NOX5: variants seen among roughly 807,000 people sequenced by gnomAD.
NOX5 encodes the protein NADPH oxidase 5.
A neutral mutation model predicts 85.7 loss-of-function variants in NOX5; 76 were observed. The observed-to-expected ratio is 0.89, with a 90% CI of 0.74 to 1.07. The LOEUF is 1.07. NOX5 is among the 50% of genes least tolerant of loss of function. NOX5 has a pLI of 0.00. For synonymous variants in NOX5, 405 were observed against 401.4 expected (o/e 1.01, Z -0.11); for missense variants, 973 against 999.5 (o/e 0.97, Z 0.36).
At chr15:69,028,110 G>T (rs540197823) in intron 2 of NOX5, 105 bp from the exon 3 acceptor site, 2 of 1,286,986 alleles carry the variant, frequency 1.6e-6, no homozygotes, top group East Asian at 4.9e-5. Context: ...CCACTCTGTG[G>T]TGCACCCCCC....
chr15:69,015,295 C>T (rs1472352470), intron 1 of NOX5, among the ~76,000 whole-genome samples: 2 of 152,194 alleles, frequency 1.3e-5, no homozygotes, highest in Non-Finnish European at 2.9e-5. Context: ...ACCTAGATCA[C>T]TCTGGCTGTC....
Position 69,031,554 on chromosome 15 carries a change from G to C in NOX5, c.362G>C (p.Trp121Ser), listed in dbSNP as rs367806524. ...ARQGASAGTE[W>S]GAGAGPHWAS... ...CAGGGGGCGTCTGCAGGTACAGAGT[G>C]GGGTGCTGGGGCAGGCCCGCACTGG... Residue 121 changes from tryptophan (W) to serine (S), a missense_variant, in exon 4 of 16, where the codon TGG (tryptophan) becomes TCG (serine). By Grantham distance (177) the Trp-to-Ser change is radical (BLOSUM62 -3). Coordinates refer to ENST00000388866, the MANE Select transcript of NOX5 (RefSeq NM_024505.4). 6.2e-7 allele frequency: 1 copy of C among 1,611,918 alleles called. No individual in the cohort carries two copies. Among genetic ancestry groups the C allele is most frequent in the Admixed American group, 1.7e-5 (1 of 60,024 alleles).
rs1279065494 is a variant in NOX5 at position 69,047,395 on chromosome 15, A to G, written c.1693-18A>G. The stretch of plus-strand genomic sequence containing the variant: ...CGTCACCCCCCATCTCTCTTCTCTG[A>G]TGCCCTCTTGTGCACAGTGCTACAT... On this transcript the variant is annotated intron_variant, in intron 11 of 15. Transcript: ENST00000388866. 3 of 1,577,792 alleles carry G rather than the reference A, an allele frequency of 1.9e-6. No homozygotes were observed. Among genetic ancestry groups the G allele is most frequent in the Non-Finnish European group, 2.6e-6 (3 of 1,164,588 alleles).
Position 69,042,601 on chromosome 15 carries a change from G to C in NOX5, c.1505-62G>C, listed in dbSNP as rs889742118. The stretch of plus-strand genomic sequence containing the variant: ...GCAGCAATCCCTCCAGTGGGGTGAG[G>C]CTTGCTCCCTGGTGCCGGTCACTAT... On this transcript the variant is annotated intron_variant, in intron 9 of 15. Coordinates refer to ENST00000388866, the MANE Select transcript of NOX5 (RefSeq NM_024505.4). 36 of 1,557,920 alleles carry C rather than the reference G, an allele frequency of 2.3e-5. 1 individual carries two copies. The South Asian group carries it at 2.6e-4, about 11-fold the overall frequency.
chr15:69,050,544 C>G (rs933574855), intron 14 of NOX5, among the ~76,000 whole-genome samples: 3 of 152,296 alleles, frequency 2.0e-5, no homozygotes, highest in South Asian at 4.1e-4. Context: ...GCGCCCGCCT[C>G]CACGCCAGGC....
chr15:69,024,821 C>T (rs2050336482), intron 1 of NOX5, among the ~76,000 whole-genome samples: 1 of 152,076 alleles, frequency 6.6e-6, no homozygotes, highest in Admixed American at 6.5e-5. Context: ...TATATGCATA[C>T]ATCTGTAAAA....
chr15:69,041,995 G>A (rs953706034), intron 9 of NOX5, among the ~76,000 whole-genome samples: 28 of 150,744 alleles, frequency 1.9e-4, no homozygotes, highest in Middle Eastern at 3.5e-3. Context: ...TCCCTGCTTC[G>A]TGTATTTAGA....
intron 1 of NOX5, among the ~76,000 whole-genome samples, chr15:69,021,824 C>A (rs769064047): frequency 3.9e-5 from 6 of 152,072 alleles, no homozygotes; most frequent in Non-Finnish European, 7.4e-5. Flanking sequence ...CTTAATCATG[C>A]TTTTCTTCTT....
Position 69,061,839 on chromosome 15 carries a change from T to C in NOX5, c.*5143T>C, listed in dbSNP as rs1308812968. ...ACAAAGAAAGACAGGTAGTGAGTTT[T>C]AGTGTGGCAGGGAAGAAAAGGATGC... On this transcript the variant is annotated 3_prime_UTR_variant, in exon 16 of 16. Coordinates refer to ENST00000388866, the MANE Select transcript of NOX5 (RefSeq NM_024505.4). 6.6e-6 allele frequency: 1 copy of C among 152,158 alleles called. No individual in the cohort carries two copies. The highest frequency in any genetic ancestry group is 1.5e-5 in the Non-Finnish European group (1 of 68,030). The allele number at this position is 152,158 out of a possible 1,614,324, so 9.4% of individuals were successfully genotyped here. A position where few individuals can be genotyped will look rare whatever the true frequency, so the allele number is the denominator to read the frequency against.
chr15:69,038,912 A>G lies in NOX5; in HGVS notation c.1427A>G (p.Tyr476Cys). The G allele has an allele frequency of 6.8e-6, 11 of 1,613,874 alleles. No individual in the cohort carries two copies. The highest frequency in any genetic ancestry group is 9.3e-6 in the Non-Finnish European group (11 of 1,179,958). Residue 476 changes from tyrosine to cysteine, a missense_variant, in exon 9 of 16, where the codon TAC becomes TGC. Tyr to Cys is a radical substitution (Grantham distance 194). Transcript: ENST00000388866. Reference sequence around the variant, plus strand: ...TTTTTTCACTATAGACCTGGTGACTACTTGTATCTGAACATCCCCACCATT... The same window carrying G: ...TTTTTTCACTATAGACCTGGTGACTGCTTGTATCTGAACATCCCCACCATT... ...PPFFHYRPGD[Y>C]LYLNIPTIAR...
chr15:69,037,313 G>A, intron 8 of NOX5, 103 bp downstream of exon 8: 1 of 1,171,746 alleles, frequency 8.5e-7, no homozygotes, highest in Non-Finnish European at 1.2e-6. Flanking sequence ...AGGAAATAGA[G>A]AATAGTGTAG....
At chr15:69,038,770 G>A in intron 8 of NOX5, 87 bp from the exon 9 acceptor site, 2 of 1,587,498 alleles carry the variant, frequency 1.3e-6, no homozygotes, top group Non-Finnish European at 1.7e-6. Context: ...GGAGGAGGAG[G>A]GCAGCCCAGC....
intron 1 of NOX5, among the ~76,000 whole-genome samples, chr15:69,026,219 C>T (rs960149084): frequency 2.6e-5 from 4 of 152,188 alleles, no homozygotes; most frequent in Non-Finnish European, 5.9e-5. Context: ...TTAATGCAGT[C>T]GCAGCATGCC....
At chr15:69,023,713 A>G (rs989804598) in intron 1 of NOX5, 2 of 173,962 alleles carry the variant, frequency 1.1e-5, no homozygotes, top group Non-Finnish European at 2.4e-5. Context: ...ATGCTGTATA[A>G]TAATCCTAAT....
intron 9 of NOX5, among the ~76,000 whole-genome samples, 160 bp downstream of exon 9, chr15:69,039,149 C>T (rs190492678): frequency 2.3e-4 from 35 of 152,268 alleles, no homozygotes; most frequent in African/African-American, 5.8e-4. Flanking sequence ...ATGCAGACAC[C>T]GATTGGCATG....
At chr15:69,030,633 G>A (rs1006592068) in intron 3 of NOX5, 4 of 152,234 alleles carry the variant, frequency 2.6e-5, no homozygotes, top group African/African-American at 9.6e-5. Context: ...GACTAGGAAA[G>A]CAGAACAGGC....
Position 69,035,866 on chromosome 15 carries a change from C to T in NOX5, c.1118C>T (p.Ala373Val), listed in dbSNP as rs768880926. 1.2e-6 allele frequency: 2 copies of T among 1,614,198 alleles called. No homozygotes were observed. Among genetic ancestry groups the T allele is most frequent in the Admixed American group, 1.7e-5 (1 of 60,028 alleles). Residue 373 changes from alanine (A) to valine (V), a missense_variant, in exon 7 of 16, where the codon GCT becomes GTT. Ala to Val is a moderately conservative substitution (Grantham distance 64). Coordinates refer to ENST00000388866, the MANE Select transcript of NOX5 (RefSeq NM_024505.4). ...GGTTCGGCCTCCCCGACAGGTGTCG[C>T]TCTGCTGCTGCTGCTCCTCCTCATG... The part of the protein sequence containing the change: ...VHGSASPTGV[A>V]LLLLLLLMFI...
chr15:69,042,523 A>T, intron 9 of NOX5, 140 bp from the exon 10 acceptor site: 1 of 807,310 alleles, frequency 1.2e-6, no homozygotes, highest in Non-Finnish European at 1.9e-6. Context: ...TATGGCTGCT[A>T]GTCTGGTCCT....
chr15:69,029,901 A>C (rs2050407780), intron 3 of NOX5: 1 of 151,878 alleles, frequency 6.6e-6, no homozygotes, highest in Non-Finnish European at 1.5e-5. Context: ...CTCGTCTCGA[A>C]CTCCTGGCCT....
Sources: allele counts gnomAD v4.1 joint callset (sites outside exome capture counted in the v4.1 genomes callset), GRCh38; gene constraint gnomAD v4.1.1; transcripts MANE v1.5; gene names NCBI Gene and HGNC (gene_info 2026-07-23, HGNC 2026-07-21).